The following RIPK1 variants were observed in gnomAD, a reference collection of about 807,000 sequenced individuals.
RIPK1 encodes the protein receptor-interacting serine/threonine-protein kinase 1.
RIPK1 carries 27 observed loss-of-function variants against 62.4 expected under a neutral mutation model. The observed-to-expected ratio is 0.43, with a 90% CI of 0.32 to 0.60. The LOEUF is 0.60. Ranked by LOEUF, RIPK1 falls within the 20% of genes least tolerant of loss-of-function variation. RIPK1 has a pLI of 0.07. For synonymous variants in RIPK1, 287 were observed against 303.2 expected (o/e 0.95, Z 0.55); for missense variants, 735 against 831.0 (o/e 0.88, Z 1.42).
At chr6:3,097,071 A>G (rs1178361348) in intron 7 of RIPK1, among the ~76,000 whole-genome samples, 6 of 151,482 alleles carry the variant, frequency 4.0e-5, no homozygotes, top group African/African-American at 1.5e-4. Context: ...GGGTTTCACT[A>G]TGTTGGCCAG....
intron 6 of RIPK1, chr6:3,088,706 C>T (rs9501919): frequency 0.098 from 14,929 of 152,372 alleles, 1,738 homozygotes; most frequent in African/African-American, 0.28. Context: ...AGAGTGGTTG[C>T]TGACTAAAAG....
intron 9 of RIPK1, among the ~76,000 whole-genome samples, chr6:3,106,783 T>C (rs1282488595): frequency 3.9e-5 from 6 of 152,258 alleles, no homozygotes; most frequent in Admixed American, 3.9e-4. Context: ...ATAGGTTTTA[T>C]GATAAGATCT....
In RIPK1 at chr6:3,105,271, T is replaced by C. The variant is rs1273218856; in HGVS notation, c.1007-211T>C. ...GCCGCTTTTCTCTTGCTTGCTATAA[T>C]TTTCCTAGTACTCTCTTACTGCCAG... is the stretch of plus-strand genomic sequence containing the variant. On this transcript the variant is annotated intron_variant, in intron 8 of 10. Coordinates refer to ENST00000259808, the MANE Select transcript of RIPK1 (RefSeq NM_001354930.2). The surrounding 1 kb of genome is among the most constrained non-coding windows in gnomAD (Gnocchi z 4.5). Among the ~76,000 whole-genome samples, 1 of 152,152 alleles carries C rather than the reference T, an allele frequency of 6.6e-6. No individual in the cohort carries two copies. Among genetic ancestry groups the C allele is most frequent in the Non-Finnish European group, 1.5e-5 (1 of 68,022 alleles).
At chr6:3,067,408 T>C (rs573936811), upstream of RIPK1, among the ~76,000 whole-genome samples, 23 of 152,310 alleles carry the variant, frequency 1.5e-4, no homozygotes, top group African/African-American at 5.5e-4. Context: ...ACATTTGTTG[T>C]TGTCAGTGTT....
At chr6:3,087,767 C>G (rs1036205304) in intron 6 of RIPK1, among the ~76,000 whole-genome samples, 6 of 139,760 alleles carry the variant, frequency 4.3e-5, no homozygotes, top group Non-Finnish European at 7.7e-5. Flanking sequence ...TCTCCATCTC[C>G]TGACCTTGTG....
chr6:3,073,540 T>C (rs993590905), intron 1 of RIPK1, among the ~76,000 whole-genome samples: 4 of 152,086 alleles, frequency 2.6e-5, no homozygotes, highest in African/African-American at 7.2e-5. Context: ...CTTCAGGCCT[T>C]CATCTAGGCA....
upstream of RIPK1, among the ~76,000 whole-genome samples, chr6:3,064,242 C>T (rs1027684912): frequency 6.6e-6 from 1 of 152,052 alleles, no homozygotes. Flanking sequence ...CAGCGCGCAG[C>T]CGGTTTCCGC....
chr6:3,090,870 A>G lies in RIPK1; in HGVS notation c.915+1213A>G, dbSNP rs529959325. On this transcript the variant is annotated intron_variant, in intron 7 of 10. Transcript: ENST00000259808. ...TAACCGCAGAGTACCTACCTGCCGC[A>G]CCTAGTAACCGCAGCGCGCCTACCT... Among the ~76,000 whole-genome samples the G allele has an allele frequency of 6.1e-5, 5 of 82,624 alleles. No homozygotes were observed. The African/African-American group carries it at 7.7e-4, about 13-fold the overall frequency. The allele number at this position is 82,624 out of a possible 152,430, so 54.2% of individuals were successfully genotyped here. A position where few individuals can be genotyped will look rare whatever the true frequency, so the allele number is the denominator to read the frequency against.
chr6:3,076,435 A>G (rs1217965574), intron 1 of RIPK1, among the ~76,000 whole-genome samples: 2 of 152,004 alleles, frequency 1.3e-5, no homozygotes, highest in Non-Finnish European at 2.9e-5. Context: ...TGGGAGGCTG[A>G]GGTGGGAGGA....
At position 3,076,833 on chromosome 6, in the gene RIPK1, G is replaced by A; in HGVS notation, c.10G>A (p.Asp4Asn). Residue 4 changes from aspartate (D) to asparagine (N), a missense_variant, in exon 2 of 11, where the codon GAC becomes AAC. Coordinates refer to ENST00000259808, the MANE Select transcript of RIPK1 (RefSeq NM_001354930.2). MQP[D>N]MSLNVIKMKS... ...GTTCTTGAGCTTCAGAATGCAACCA[G>A]ACATGTCCTTGAATGTCATTAAGAT... 1 of 1,613,194 alleles carries A rather than the reference G, an allele frequency of 6.2e-7. No individual in the cohort carries two copies. The highest frequency in any genetic ancestry group is 1.1e-5 in the South Asian group (1 of 91,018).
upstream of RIPK1, among the ~76,000 whole-genome samples, chr6:3,066,101 G>A (rs1180450955): frequency 6.6e-6 from 1 of 152,158 alleles, no homozygotes; most frequent in Non-Finnish European, 1.5e-5. Context: ...TTGGCTCACT[G>A]CAACCTCCGC....
intron 4 of RIPK1, 118 bp from the exon 5 acceptor site, chr6:3,082,967 C>T: frequency 2.2e-6 from 2 of 928,948 alleles, no homozygotes. Flanking sequence ...CCCAGTGCAA[C>T]CATTTCTGGA....
At chr6:3,099,815 C>T (rs546788523) in intron 7 of RIPK1, among the ~76,000 whole-genome samples, 1 of 152,290 alleles carries the variant, frequency 6.6e-6, no homozygotes, top group Admixed American at 6.5e-5. Context: ...AGGCACCCAA[C>T]AAACTCCACA....
At chr6:3,075,893 T>A (rs1228472703) in intron 1 of RIPK1, among the ~76,000 whole-genome samples, 1 of 152,114 alleles carries the variant, frequency 6.6e-6, no homozygotes, top group East Asian at 1.9e-4. Flanking sequence ...ATATGTTTGT[T>A]TGCCATGGGC....
intron 5 of RIPK1, 72 bp downstream of exon 5, chr6:3,083,385 C>T (rs543612568): frequency 7.6e-7 from 1 of 1,317,118 alleles, no homozygotes; most frequent in Admixed American, 2.1e-5. Flanking sequence ...CTAATAGGTG[C>T]CCAGTAAATT....
intron 2 of RIPK1, 141 bp from the exon 3 acceptor site, chr6:3,077,638 C>G (rs900756871): frequency 2.4e-6 from 2 of 822,526 alleles, no homozygotes. Flanking sequence ...TGCCTTCTAA[C>G]GCTTCTGGCC....
At chr6:3,096,726 A>AT (rs36106254) in intron 7 of RIPK1, among the ~76,000 whole-genome samples, 465 of 139,932 alleles carry the variant, frequency 3.3e-3, no homozygotes, top group South Asian at 0.016. Flanking sequence ...CACCCAGCGA[A>AT]TTTTTTTTTT....
intron 1 of RIPK1, among the ~76,000 whole-genome samples, chr6:3,070,650 C>T (rs1758663697): frequency 6.7e-6 from 1 of 149,984 alleles, no homozygotes; most frequent in Non-Finnish European, 1.5e-5. Flanking sequence ...GTTGGCCAAT[C>T]TGGTCTCAAA....
intron 9 of RIPK1, among the ~76,000 whole-genome samples, chr6:3,106,693 A>G (rs756095435): frequency 6.6e-6 from 1 of 152,358 alleles, no homozygotes; most frequent in East Asian, 1.9e-4. Flanking sequence ...AGCTTTCAGA[A>G]CCACAGAGCT....
Sources: allele counts gnomAD v4.1 joint callset (sites outside exome capture counted in the v4.1 genomes callset), GRCh38; gene constraint gnomAD v4.1.1; non-coding constraint Gnocchi (gnomAD v3.1); transcripts MANE v1.5; gene names NCBI Gene and HGNC (gene_info 2026-07-23, HGNC 2026-07-21).